The following STK3 variants were observed in gnomAD, a reference collection of about 807,000 sequenced individuals.
STK3 encodes serine/threonine kinase 3.
A neutral mutation model predicts 58.0 loss-of-function variants in STK3; 41 were observed. That is an observed-to-expected ratio of 0.71 (90% CI 0.55 to 0.92). STK3 has a LOEUF of 0.92. STK3 is among the 40% of genes least tolerant of loss of function. The pLI, the probability that STK3 is intolerant of heterozygous loss-of-function variation, is 0.00. For synonymous variants in STK3, 170 were observed against 191.0 expected (o/e 0.89, Z 0.91); for missense variants, 479 against 602.7 (o/e 0.79, Z 2.15).
intron 1 of STK3, among the ~76,000 whole-genome samples, chr8:98,918,112 A>G (rs1038105089): frequency 1.3e-5 from 2 of 152,216 alleles, no homozygotes; most frequent in African/African-American, 4.8e-5. Flanking sequence ...ATTGCAAATC[A>G]ATCAATGTTT....
At position 98,606,670 on chromosome 8, in the gene STK3, T is replaced by C. The variant is rs150297880; in HGVS notation, c.685-10501A>G. Reference sequence around the variant, plus strand: ...CTTAATGAAACCCCAGTAAAAACTCTGTACATCTAGGCTTAGCAGAGCCTC... The same window carrying C: ...CTTAATGAAACCCCAGTAAAAACTCCGTACATCTAGGCTTAGCAGAGCCTC... On this transcript the variant is annotated intron_variant, in intron 6 of 10. Transcript: ENST00000419617. 1.3e-4 allele frequency among the ~76,000 whole-genome samples: 20 copies of C among 152,302 alleles called. 1 individual carries two copies. The highest frequency in any genetic ancestry group is 4.3e-4 in the African/African-American group (18 of 41,568).
Position 98,586,051 on chromosome 8 carries a change from A to G in STK3, c.823-6262T>C, listed in dbSNP as rs539722073. On this transcript the variant is annotated intron_variant, in intron 7 of 10. Transcript: ENST00000419617. ...ATCATGTCATCAGCAGACAGGGACAATTTGACTTCCTCTTTTTCTAATTGA... is the reference window on the plus strand; with the variant it reads ...ATCATGTCATCAGCAGACAGGGACAGTTTGACTTCCTCTTTTTCTAATTGA... Among the ~76,000 whole-genome samples the G allele has an allele frequency of 2.6e-5, 4 of 152,292 alleles. No homozygotes were observed. In the East Asian group the frequency reaches 5.8e-4, roughly 22 times the overall value.
intron 6 of STK3, among the ~76,000 whole-genome samples, chr8:98,678,566 T>C (rs773569895): frequency 2.6e-5 from 4 of 152,140 alleles, no homozygotes; most frequent in Non-Finnish European, 5.9e-5. Context: ...GTATATGAAA[T>C]TATTTCACTT....
At chr8:98,932,563 T>C (rs949389616) in intron 1 of STK3, among the ~76,000 whole-genome samples, 1 of 152,204 alleles carries the variant, frequency 6.6e-6, no homozygotes, top group Non-Finnish European at 1.5e-5. Context: ...AGGAAAGTGA[T>C]TTAAAAGGGC....
chr8:98,661,392 A>G (rs1306293462), intron 6 of STK3, among the ~76,000 whole-genome samples: 1 of 152,038 alleles, frequency 6.6e-6, no homozygotes, highest in African/African-American at 2.4e-5. Flanking sequence ...TACCTCTTTT[A>G]TATCTCTGGG....
intron 6 of STK3, among the ~76,000 whole-genome samples, chr8:98,635,975 T>C (rs1226673016): frequency 6.6e-6 from 1 of 152,096 alleles, no homozygotes; most frequent in African/African-American, 2.4e-5. Flanking sequence ...TTTCAATAAG[T>C]TTTTAGTACA....
rs912066026 is a variant in STK3 at position 98,663,348 on chromosome 8, A to G, written c.684+43119T>C. On this transcript the variant is annotated intron_variant, in intron 6 of 10. Coordinates refer to ENST00000419617, the MANE Select transcript of STK3 (RefSeq NM_006281.4). ...ACCATCTCACACCAGTTAGAATGGC[A>G]ATCATTAAAAAGTCAGGAAACAACA... 5.9e-5 allele frequency among the ~76,000 whole-genome samples: 9 copies of G among 152,256 alleles called. No individual in the cohort carries two copies. The South Asian group carries it at 8.3e-4, about 14-fold the overall frequency.
intron 10 of STK3, among the ~76,000 whole-genome samples, chr8:98,514,717 A>G (rs947517337): frequency 2.0e-5 from 3 of 151,978 alleles, no homozygotes; most frequent in Non-Finnish European, 4.4e-5. Context: ...ATTTTTGGTA[A>G]TCATCTCTCT....
At chr8:98,549,320 T>A (rs1037345852) in intron 8 of STK3, among the ~76,000 whole-genome samples, 1 of 152,212 alleles carries the variant, frequency 6.6e-6, no homozygotes, top group Admixed American at 6.5e-5. Context: ...TGAAGTGTTA[T>A]CACATTGTAG....
At chr8:98,617,945 C>T (rs1483896060) in intron 6 of STK3, among the ~76,000 whole-genome samples, 1 of 152,158 alleles carries the variant, frequency 6.6e-6, no homozygotes, top group Non-Finnish European at 1.5e-5. Context: ...AAGAGGGAAT[C>T]CTCCCTAACT....
intron 1 of STK3, chr8:98,779,033 T>TAATAAAATAA (rs372304706): frequency 6.6e-5 from 10 of 151,258 alleles, no homozygotes; most frequent in Non-Finnish European, 1.0e-4. Flanking sequence ...AGTATAATAA[T>TAATAAAATAA]AATAAAATAA....
upstream of STK3, among the ~76,000 whole-genome samples, chr8:98,830,580 A>C (rs1835489622): frequency 6.6e-6 from 1 of 152,254 alleles, no homozygotes; most frequent in Non-Finnish European, 1.5e-5. Flanking sequence ...TCACCATTCA[A>C]ACTGCAAATA....
At chr8:98,424,077 G>A (rs1451578469) in intron 3 of STK3, among the ~76,000 whole-genome samples, 1 of 152,262 alleles carries the variant, frequency 6.6e-6, no homozygotes, top group Non-Finnish European at 1.5e-5. Context: ...TCCCCGGTAT[G>A]GAAGGAGGGA....
At chr8:98,529,330 C>T (rs1410478534) in intron 9 of STK3, among the ~76,000 whole-genome samples, 2 of 152,094 alleles carry the variant, frequency 1.3e-5, no homozygotes, top group East Asian at 1.9e-4. Flanking sequence ...GTCCTATCTC[C>T]TCTTTCCTTT....
Position 98,730,715 on chromosome 8 carries a change from C to CAAAA in STK3, c.351+18557_351+18560dup, listed in dbSNP as rs36085293. On this transcript the variant is annotated intron_variant, in intron 4 of 10. Coordinates refer to ENST00000419617, the MANE Select transcript of STK3 (RefSeq NM_006281.4). ...TGAACAACAGGGCAAGACTCCGTCT[C>CAAAA]AAAAAAAAAAAAAAAAAAAAAAACA... 2.0e-3 allele frequency among the ~76,000 whole-genome samples: 132 copies of CAAAA among 66,368 alleles called. 3 individuals are homozygous for CAAAA. Among genetic ancestry groups the CAAAA allele is most frequent in the African/African-American group, 5.8e-3 (98 of 16,778 alleles). 43.5% of individuals were successfully genotyped at this position (66,368 alleles called of 152,430 possible).
chr8:98,774,887 T>A, intron 1 of STK3, 68 bp from the exon 2 acceptor site: 1 of 1,147,632 alleles, frequency 8.7e-7, no homozygotes, highest in Non-Finnish European at 1.2e-6. Context: ...TTTTAATTTT[T>A]AAAATTTTAC....
intron 1 of STK3, among the ~76,000 whole-genome samples, chr8:98,919,998 T>C (rs923627524): frequency 1.3e-5 from 2 of 152,238 alleles, no homozygotes; most frequent in Admixed American, 1.3e-4. Flanking sequence ...CCAATCTTTT[T>C]CCATTTCATT....
chr8:98,707,208 A>G lies in STK3; in HGVS notation c.455T>C (p.Ile152Thr). The G allele has an allele frequency of 6.2e-7, 1 of 1,612,668 alleles. No homozygotes were observed. Among genetic ancestry groups the G allele is most frequent in the Non-Finnish European group, 8.5e-7 (1 of 1,179,546 alleles). ...KIHRDIKAGN[I>T]LLNTEGHAKL... is the part of the protein sequence containing the mutation. ...TGCATGTCCTTCTGTATTGAGGAGA[A>G]TATTTCCAGCTTTTATATCTCTGTG... Residue 152 changes from isoleucine (I) to threonine (T), a missense_variant, in exon 5 of 11, where the codon ATT becomes ACT. Around this residue, in one of 3 missense-constraint regions of STK3, gnomAD observed 126 missense variants for 210.1 expected, o/e 0.60. Coordinates refer to ENST00000419617, the MANE Select transcript of STK3 (RefSeq NM_006281.4).
intron 10 of STK3, among the ~76,000 whole-genome samples, chr8:98,499,243 G>A (rs1271843940): frequency 1.3e-5 from 2 of 152,136 alleles, no homozygotes. Context: ...AGCAAGTGTG[G>A]CCCTGCTGAA....
Sources: allele counts gnomAD v4.1 joint callset (sites outside exome capture counted in the v4.1 genomes callset), GRCh38; gene constraint gnomAD v4.1.1; regional missense constraint gnomAD v4.1.1; transcripts MANE v1.5; gene names NCBI Gene and HGNC (gene_info 2026-07-23, HGNC 2026-07-21).